The following MAPK9 variants were observed in gnomAD, a reference collection of about 807,000 sequenced individuals.
MAPK9 encodes the protein mitogen-activated protein kinase 9, also known as Jun kinase.
Under a neutral mutation model 57.1 loss-of-function variants are expected in MAPK9, and 30 were observed. That is an observed-to-expected ratio of 0.53 (90% CI 0.39 to 0.71). The LOEUF is 0.71. Among genes scored for constraint, MAPK9 ranks in the 30% least tolerant of loss-of-function variants. The probability of loss-of-function intolerance (pLI) is 0.00; values close to 1 mark genes in which losing one functional copy is unlikely to be tolerated. For missense variants in MAPK9, 362 were observed against 521.0 expected (o/e 0.69, Z 2.97); for synonymous variants, 155 against 177.0 (o/e 0.88, Z 0.99).
At chr5:180,281,811 T>G (rs1271619882) in intron 1 of MAPK9, among the ~76,000 whole-genome samples, 2 of 152,186 alleles carry the variant, frequency 1.3e-5, no homozygotes, top group Non-Finnish European at 2.9e-5. Flanking sequence ...CTCTGGGTGG[T>G]GGCTGCAGTG....
At chr5:180,274,386 G>A (rs1440200460) in intron 2 of MAPK9, among the ~76,000 whole-genome samples, 1 of 152,204 alleles carries the variant, frequency 6.6e-6, no homozygotes, top group Non-Finnish European at 1.5e-5. Flanking sequence ...GCCCTTTAAA[G>A]GCAGAGTTTG....
chr5:180,248,888 G>T, intron 6 of MAPK9, 85 bp downstream of exon 6: 1 of 1,451,028 alleles, frequency 6.9e-7, no homozygotes, highest in Non-Finnish European at 9.3e-7. Flanking sequence ...ATATCATATG[G>T]TTCAAAGGAA....
At chr5:180,249,843 A>C (rs570162996) in intron 5 of MAPK9, among the ~76,000 whole-genome samples, 1 of 152,302 alleles carries the variant, frequency 6.6e-6, no homozygotes, top group Admixed American at 6.5e-5. Context: ...TTTAGTACTG[A>C]GCCTTTGAAG....
At chr5:180,244,400 T>G (rs1489140483) in intron 7 of MAPK9, among the ~76,000 whole-genome samples, 1 of 152,216 alleles carries the variant, frequency 6.6e-6, no homozygotes, top group African/African-American at 2.4e-5. Context: ...TGGTGTTTTC[T>G]CCTATGTTAA....
Position 180,247,597 on chromosome 5 carries a change from C to T in MAPK9, c.617-87G>A. ...AGGAATTCTAACAGTGCACTAAACACACAAATATGGAAAAATAAATTGCTA... is the reference window on the plus strand; with the variant it reads ...AGGAATTCTAACAGTGCACTAAACATACAAATATGGAAAAATAAATTGCTA... On this transcript the variant is annotated intron_variant, in intron 6 of 11. Transcript: ENST00000452135. The surrounding 1 kb of genome is among the most constrained non-coding windows in gnomAD (Gnocchi z 4.5). 3 of 1,168,278 alleles carry T rather than the reference C, an allele frequency of 2.6e-6. No individual in the cohort carries two copies. Among genetic ancestry groups the T allele is most frequent in the Non-Finnish European group, 3.8e-6 (3 of 794,298 alleles). The allele number at this position is 1,168,278 out of a possible 1,614,324, so 72.4% of individuals were successfully genotyped here.
At chr5:180,270,844 G>A (rs990986421) in intron 2 of MAPK9, among the ~76,000 whole-genome samples, 4 of 120,460 alleles carry the variant, frequency 3.3e-5, no homozygotes, top group Admixed American at 1.0e-4. Flanking sequence ...CTGAGACCCT[G>A]TTGCCCAGGG....
rs1762211285 is a variant in MAPK9, at chr5:180,280,331, T to C, written c.122+109A>G. On this transcript the variant is annotated intron_variant, in intron 2 of 11. Transcript: ENST00000452135. ...TGATTCAATTTAGCTCATAAACCTATAACAGAGTTTTTTTTTTAATCATCA... is the reference window on the plus strand; with the variant it reads ...TGATTCAATTTAGCTCATAAACCTACAACAGAGTTTTTTTTTTAATCATCA... 2.1e-6 allele frequency: 3 copies of C among 1,449,288 alleles called. No individual in the cohort carries two copies. The East Asian group carries it at 6.9e-5, about 33-fold the overall frequency. 89.8% of individuals were successfully genotyped at this position (1,449,288 alleles called of 1,614,324 possible).
intron 7 of MAPK9, among the ~76,000 whole-genome samples, chr5:180,243,911 G>C (rs1363950716): frequency 6.6e-6 from 1 of 152,144 alleles, no homozygotes; most frequent in Non-Finnish European, 1.5e-5. Context: ...GCAGTGGCAT[G>C]ATCTCGGCTG....
chr5:180,241,189 T>C (rs764560067), intron 8 of MAPK9, 34 bp from the exon 9 acceptor site: 3 of 1,589,888 alleles, frequency 1.9e-6, no homozygotes, highest in South Asian at 2.3e-5. Context: ...TTAATGCTGT[T>C]AATATGAAAC....
At chr5:180,286,391 G>A (rs932708972) in intron 1 of MAPK9, among the ~76,000 whole-genome samples, 6 of 151,356 alleles carry the variant, frequency 4.0e-5, no homozygotes, top group South Asian at 2.1e-4. Flanking sequence ...TGATCCGCCC[G>A]CCTCAGCCTC....
intron 3 of MAPK9, among the ~76,000 whole-genome samples, chr5:180,266,135 A>C (rs1760524436): frequency 6.6e-6 from 1 of 152,090 alleles, no homozygotes; most frequent in Non-Finnish European, 1.5e-5. Context: ...AGAGACCAGC[A>C]GTCCAAAAGA....
At chr5:180,266,654 T>C (rs1480365160) in intron 3 of MAPK9, among the ~76,000 whole-genome samples, 1 of 151,874 alleles carries the variant, frequency 6.6e-6, no homozygotes, top group African/African-American at 2.4e-5. Context: ...GGTCTTGTTT[T>C]GTTGCCCAGG....
chr5:180,255,078 T>C (rs892989055), intron 5 of MAPK9, among the ~76,000 whole-genome samples: 6 of 152,100 alleles, frequency 3.9e-5, no homozygotes, highest in Non-Finnish European at 8.8e-5. Flanking sequence ...CCATGCTAGA[T>C]GCCTTGCTAC....
chr5:180,242,191 T>C (rs1205208631), intron 8 of MAPK9, among the ~76,000 whole-genome samples: 1 of 152,154 alleles, frequency 6.6e-6, no homozygotes, highest in East Asian at 1.9e-4. Flanking sequence ...AATCACACTG[T>C]AGTAAAGGGT....
At chr5:180,252,042 C>A (rs757292934) in intron 5 of MAPK9, among the ~76,000 whole-genome samples, 2 of 152,164 alleles carry the variant, frequency 1.3e-5, no homozygotes, top group African/African-American at 2.4e-5. Flanking sequence ...CACTGAAACC[C>A]GAAGACCCCA....
intron 3 of MAPK9, among the ~76,000 whole-genome samples, chr5:180,266,681 G>A (rs562311695): frequency 3.4e-4 from 52 of 151,854 alleles, no homozygotes; most frequent in Admixed American, 3.9e-4. Flanking sequence ...TTAAACTCCT[G>A]GCTTCAAGCG....
At chr5:180,289,624 A>T (rs1332263800) in intron 1 of MAPK9, among the ~76,000 whole-genome samples, 1 of 152,120 alleles carries the variant, frequency 6.6e-6, no homozygotes, top group Non-Finnish European at 1.5e-5. Context: ...ACAGGGCTCC[A>T]GTTACAATCA....
chr5:180,236,773 T>A, intron 11 of MAPK9: 1 of 359,956 alleles, frequency 2.8e-6, no homozygotes, highest in Non-Finnish European at 5.0e-6. Context: ...TAGCTAAACA[T>A]ATATGTGGCC....
chr5:180,250,621 C>T (rs1758572462), intron 5 of MAPK9, among the ~76,000 whole-genome samples: 2 of 152,274 alleles, frequency 1.3e-5, no homozygotes, highest in African/African-American at 4.8e-5. Context: ...TCAGGGCAAG[C>T]AGGAAGCCAT....
Sources: gnomAD v4.1 joint callset for allele counts (sites outside exome capture counted in the v4.1 genomes callset) on GRCh38, gnomAD v4.1.1 for gene constraint, Gnocchi (gnomAD v3.1) non-coding constraint, MANE v1.5 for transcripts, NCBI Gene and HGNC (gene_info 2026-07-23, HGNC 2026-07-21) for gene names.